The following GABRB1 variants were observed in gnomAD, a reference collection of about 807,000 sequenced individuals.
GABRB1 encodes the protein gamma-aminobutyric acid receptor subunit beta-1.
A neutral mutation model predicts 51.6 loss-of-function variants in GABRB1; 17 were observed. The ratio of observed to expected loss-of-function variants is 0.33; its 90% CI spans 0.23 to 0.49. The LOEUF (loss-of-function observed/expected upper bound fraction) is 0.49, where lower values mean the gene tolerates loss of function less well. Ranked by LOEUF, GABRB1 falls within the 20% of genes least tolerant of loss-of-function variation. The pLI is 0.99. For synonymous variants in GABRB1, 247 were observed against 218.9 expected, an observed-to-expected ratio of 1.13 and a Z score of -1.14; for missense variants, 410 against 600.6, an observed-to-expected ratio of 0.68 and a Z score of 3.32.
chr4:47,093,953 G>A (rs942796584), intron 3 of GABRB1, among the ~76,000 whole-genome samples: 6 of 151,726 alleles, frequency 4.0e-5, no homozygotes, highest in African/African-American at 1.5e-4. Flanking sequence ...TTCTACCTTA[G>A]TAGGAAGCTA....
At chr4:47,260,551 G>A (rs1377651489) in intron 4 of GABRB1, among the ~76,000 whole-genome samples, 2 of 152,118 alleles carry the variant, frequency 1.3e-5, no homozygotes, top group African/African-American at 4.8e-5. Context: ...GCATTTGATT[G>A]TCTGTAAAGT....
intron 3 of GABRB1, among the ~76,000 whole-genome samples, chr4:47,149,069 G>T (rs1717310226): frequency 6.6e-6 from 1 of 151,682 alleles, no homozygotes. Flanking sequence ...AGGCACTTAG[G>T]GCATCCTTAA....
At chr4:47,267,711 C>T (rs1347457537) in intron 4 of GABRB1, among the ~76,000 whole-genome samples, 3 of 152,128 alleles carry the variant, frequency 2.0e-5, no homozygotes, top group Non-Finnish European at 2.9e-5. Context: ...AGGAGAATTG[C>T]TTGAACCCGG....
intron 4 of GABRB1, among the ~76,000 whole-genome samples, chr4:47,189,168 T>C (rs962389521): frequency 1.3e-5 from 2 of 151,810 alleles, no homozygotes; most frequent in African/African-American, 4.8e-5. Context: ...TCTAAAAAGT[T>C]ACCAAAAATA....
intron 4 of GABRB1, among the ~76,000 whole-genome samples, chr4:47,249,213 T>C (rs528583036): frequency 3.2e-4 from 49 of 152,238 alleles, no homozygotes; most frequent in Non-Finnish European, 5.7e-4. Flanking sequence ...TGTGTCATTA[T>C]TGTCGTTCAA....
intron 4 of GABRB1, among the ~76,000 whole-genome samples, chr4:47,274,272 T>C (rs1420465959): frequency 6.6e-6 from 1 of 152,170 alleles, no homozygotes; most frequent in Non-Finnish European, 1.5e-5. Context: ...ATAATGTACA[T>C]AAAATGTTTG....
intron 1 of GABRB1, among the ~76,000 whole-genome samples, chr4:47,014,933 G>A (rs1481849439): frequency 1.3e-5 from 2 of 152,034 alleles, no homozygotes; most frequent in African/African-American, 4.8e-5. Context: ...TTGAGACGGA[G>A]TCTCGCCCTG....
chr4:47,160,709 T>C (rs1346372233), intron 3 of GABRB1, among the ~76,000 whole-genome samples: 1 of 151,954 alleles, frequency 6.6e-6, no homozygotes, highest in Non-Finnish European at 1.5e-5. Context: ...TCTATATTGG[T>C]GGAAATGTTT....
intron 5 of GABRB1, among the ~76,000 whole-genome samples, chr4:47,353,028 G>T (rs886371155): frequency 6.6e-6 from 1 of 152,170 alleles, no homozygotes; most frequent in Non-Finnish European, 1.5e-5. Context: ...GTGGCAGGAG[G>T]CAAAAGGCAC....
intron 4 of GABRB1, among the ~76,000 whole-genome samples, chr4:47,293,702 G>A (rs1723849919): frequency 6.6e-6 from 1 of 152,098 alleles, no homozygotes; most frequent in South Asian, 2.1e-4. Flanking sequence ...AAGAACTATG[G>A]CTTTAGGATA....
intron 3 of GABRB1, among the ~76,000 whole-genome samples, chr4:47,136,486 C>G (rs955610549): frequency 6.0e-5 from 9 of 149,776 alleles, no homozygotes; most frequent in Non-Finnish European, 1.0e-4. Flanking sequence ...GCTTAAGAAA[C>G]AGGGGGATGT....
chr4:46,999,179 C>A (rs1181861685), intron 1 of GABRB1, among the ~76,000 whole-genome samples: 2 of 152,042 alleles, frequency 1.3e-5, no homozygotes, highest in South Asian at 2.1e-4. Flanking sequence ...AGGGGATACA[C>A]AAAGATGTAA....
At chr4:47,218,051 T>A (rs1009738324) in intron 4 of GABRB1, among the ~76,000 whole-genome samples, 2 of 151,810 alleles carry the variant, frequency 1.3e-5, no homozygotes, top group Non-Finnish European at 2.9e-5. Flanking sequence ...TGACAGCAAC[T>A]TTTTTAGCTC....
At chr4:47,302,606 T>C (rs748603559) in intron 4 of GABRB1, among the ~76,000 whole-genome samples, 1 of 151,998 alleles carries the variant, frequency 6.6e-6, no homozygotes, top group Admixed American at 6.6e-5. Flanking sequence ...TATGTGTTTA[T>C]TGTACAATAT....
intron 1 of GABRB1, among the ~76,000 whole-genome samples, chr4:47,012,580 A>G (rs1021127669): frequency 2.6e-5 from 4 of 152,210 alleles, no homozygotes; most frequent in African/African-American, 9.6e-5. Flanking sequence ...ATGGTAATCA[A>G]CCCTAGCCTC....
intron 4 of GABRB1, among the ~76,000 whole-genome samples, chr4:47,277,304 T>A (rs73133921): frequency 0.021 from 3,251 of 152,102 alleles, 104 homozygotes; most frequent in African/African-American, 0.074. Flanking sequence ...TGTGGAATCA[T>A]AAATCAAAAC....
chr4:47,042,489 T>C, intron 3 of GABRB1, among the ~76,000 whole-genome samples: 1 of 148,008 alleles, frequency 6.8e-6, no homozygotes, highest in East Asian at 2.0e-4. Context: ...AATATATATA[T>C]ATGTATATAT....
chr4:47,328,778 GAGCGGGGAGGGAT>G (rs1560335879), intron 5 of GABRB1, among the ~76,000 whole-genome samples: 1 of 151,880 alleles, frequency 6.6e-6, no homozygotes, highest in Non-Finnish European at 1.5e-5. Context: ...GGGGAGGGGG[GAGCGGGGAGGGAT>G]AGCCTTTGGA....
intron 3 of GABRB1, among the ~76,000 whole-genome samples, chr4:47,133,325 A>C (rs1716505212): frequency 6.6e-6 from 1 of 152,182 alleles, no homozygotes. Flanking sequence ...ATATCTAGTC[A>C]GATATTCACT....
Sources: gnomAD v4.1 joint callset for allele counts (sites outside exome capture counted in the v4.1 genomes callset) on GRCh38, gnomAD v4.1.1 for gene constraint, MANE v1.5 for transcripts, NCBI Gene and HGNC (gene_info 2026-07-23, HGNC 2026-07-21) for gene names.